HDAC4: variants seen among roughly 807,000 people sequenced by gnomAD.
HDAC4 encodes the protein histone deacetylase A.
A neutral mutation model predicts 135.1 loss-of-function variants in HDAC4; 16 were observed. The ratio of observed to expected loss-of-function variants is 0.12; its 90% CI spans 0.08 to 0.18. The LOEUF (loss-of-function observed/expected upper bound fraction) is 0.18, where lower values mean the gene tolerates loss of function less well. Among genes scored for constraint, HDAC4 ranks in the 10% least tolerant of loss-of-function variants. The pLI, the probability that HDAC4 is intolerant of heterozygous loss-of-function variation, is 1.00. For synonymous variants in HDAC4, 685 were observed against 653.4 expected, an observed-to-expected ratio of 1.05 and a Z score of -0.74; for missense variants, 1,143 against 1,511.8, an observed-to-expected ratio of 0.76 and a Z score of 4.05.
In HDAC4 at chr2:239,064,458, C is replaced by T. The variant is rs188137367; in HGVS notation, c.3003+2264G>A. Among the ~76,000 whole-genome samples, 9 of 152,080 alleles carry T rather than the reference C, an allele frequency of 5.9e-5. No individual in the cohort carries two copies. In the East Asian group the frequency reaches 7.8e-4, roughly 13 times the overall value. On this transcript the variant is annotated intron_variant, in intron 24 of 26. Coordinates refer to ENST00000543185, the MANE Select transcript of HDAC4 (RefSeq NM_001378414.1). ...GACCTGCAGTCCCAGGTCCCACCTC[C>T]GCCGTCTCTGATGCTGCCCCTCACA...
chr2:239,197,475 G>A (rs1007211548), intron 3 of HDAC4, among the ~76,000 whole-genome samples: 7 of 152,158 alleles, frequency 4.6e-5, no homozygotes, highest in Admixed American at 3.9e-4. Context: ...GGCAGCTCCC[G>A]TGCTCCCATC....
At chr2:239,088,661 G>A (rs897627591) in intron 18 of HDAC4, among the ~76,000 whole-genome samples, 1 of 152,200 alleles carries the variant, frequency 6.6e-6, no homozygotes, top group African/African-American at 2.4e-5. Flanking sequence ...TTAACAATGT[G>A]CTCGATGAAG....
chr2:239,316,631 T>C (rs1283161479), intron 2 of HDAC4, among the ~76,000 whole-genome samples: 3 of 152,040 alleles, frequency 2.0e-5, no homozygotes, highest in Non-Finnish European at 4.4e-5. Flanking sequence ...TTGCAGAGTG[T>C]ATGGCTGTCC....
chr2:239,394,869 G>T (rs1022589123), intron 1 of HDAC4, among the ~76,000 whole-genome samples: 8 of 152,360 alleles, frequency 5.3e-5, no homozygotes, highest in Admixed American at 1.3e-4. Context: ...TACAGAGCAG[G>T]CATGAGGCCC....
At chr2:239,080,826 T>A (rs561408809) in intron 22 of HDAC4, 1 of 542,260 alleles carries the variant, frequency 1.8e-6, no homozygotes, top group South Asian at 2.5e-5. Context: ...TGCCTCTGTC[T>A]CCATCACTCT....
intron 7 of HDAC4, among the ~76,000 whole-genome samples, chr2:239,149,050 A>C (rs889956390): frequency 3.9e-5 from 6 of 152,222 alleles, no homozygotes; most frequent in African/African-American, 1.4e-4. Flanking sequence ...CCGTTCTCCT[A>C]TCATGAACAT....
chr2:239,368,445 T>C (rs957484945), intron 1 of HDAC4, among the ~76,000 whole-genome samples: 4 of 152,294 alleles, frequency 2.6e-5, no homozygotes, highest in African/African-American at 9.6e-5. Context: ...GGAGGGGGTC[T>C]CATCAAGGCA....
intron 3 of HDAC4, among the ~76,000 whole-genome samples, chr2:239,227,353 G>C (rs574309491): frequency 2.0e-5 from 3 of 152,124 alleles, no homozygotes; most frequent in South Asian, 2.1e-4. Flanking sequence ...TCCTGCCCCA[G>C]CATGGGGGCA....
At chr2:239,327,385 C>T (rs554187339) in intron 2 of HDAC4, among the ~76,000 whole-genome samples, 1 of 152,338 alleles carries the variant, frequency 6.6e-6, no homozygotes, top group Admixed American at 6.5e-5. Flanking sequence ...GGCCCAGGTC[C>T]CCTGCCCTCA....
chr2:239,400,207 C>G lies in HDAC4; in HGVS notation c.-220+771G>C, dbSNP rs530385526. ...GGGTCCCGGGCAGCCCCCCGCCCTCCCGCGACCCCCCGGGCGCTCGCAGCG... is the reference window on the plus strand; with the variant it reads ...GGGTCCCGGGCAGCCCCCCGCCCTCGCGCGACCCCCCGGGCGCTCGCAGCG... On this transcript the variant is annotated intron_variant, in intron 1 of 26. Transcript: ENST00000543185. The surrounding 1 kb of genome is among the most constrained non-coding windows in gnomAD (Gnocchi z 4.7). Among the ~76,000 whole-genome samples, 437 of 151,784 alleles carry G rather than the reference C, an allele frequency of 2.9e-3. No individual in the cohort carries two copies. The highest frequency in any genetic ancestry group is 5.1e-3 in the Non-Finnish European group (343 of 67,836).
At chr2:239,134,062 T>C (rs557261010) in intron 11 of HDAC4, among the ~76,000 whole-genome samples, 183 bp downstream of exon 11, 1 of 151,852 alleles carries the variant, frequency 6.6e-6, no homozygotes, top group African/African-American at 2.4e-5. Context: ...ACTCTGGGAG[T>C]GAGGCATGGA....
chr2:239,273,628 A>G (rs1489587930), intron 2 of HDAC4, among the ~76,000 whole-genome samples: 1 of 152,120 alleles, frequency 6.6e-6, no homozygotes, highest in Non-Finnish European at 1.5e-5. Flanking sequence ...CTTGCCAACT[A>G]GCCCCGGTCC....
At chr2:239,188,252 C>T (rs913653879) in intron 4 of HDAC4, among the ~76,000 whole-genome samples, 1 of 152,224 alleles carries the variant, frequency 6.6e-6, no homozygotes, top group African/African-American at 2.4e-5. Flanking sequence ...GATGCAGCCT[C>T]CCCCACAATC....
intron 3 of HDAC4, among the ~76,000 whole-genome samples, chr2:239,194,854 A>G (rs1443347097): frequency 6.6e-6 from 1 of 152,214 alleles, no homozygotes; most frequent in Non-Finnish European, 1.5e-5. Context: ...CTTCTCCAGC[A>G]GTTTAGCGCA....
rs538293149 is a variant in HDAC4, at chr2:239,241,073, C to T, written c.23-4409G>A. ...CTAGGATCACGGAGTGAGCACCAGC[C>T]GGAATCCAGTTCTGTCTCAATTAAA... On this transcript the variant is annotated intron_variant, in intron 2 of 26. Transcript: ENST00000543185. 9.9e-4 allele frequency among the ~76,000 whole-genome samples: 150 copies of T among 152,284 alleles called. 2 individuals are homozygous for T. The South Asian group carries it at 0.026, about 27-fold the overall frequency.
Position 239,139,775 on chromosome 2 carries a change from G to A in HDAC4, c.887C>T (p.Pro296Leu). The change falls in exon 9 of 27, where the codon CCA (proline) becomes CTA (leucine). Residue 296 changes from proline to leucine, a missense_variant. By Grantham distance (98) the Pro-to-Leu change is moderately conservative. Transcript: ENST00000543185. The surrounding 1 kb of genome is among the most constrained non-coding windows in gnomAD (Gnocchi z 5.3). The stretch of plus-strand genomic sequence containing the variant: ...GTTGGGTGAGCTGGGTCCGGAGCCT[G>A]GGGCGCTGCTGCACGCGGAGTCTGC... ...DVTDSACSSA[P>L]GSGPSSPNNS... 6.2e-7 allele frequency: 1 copy of A among 1,614,054 alleles called. No individual in the cohort carries two copies. The highest frequency in any genetic ancestry group is 8.5e-7 in the Non-Finnish European group (1 of 1,179,970).
At chr2:239,162,091 C>T (rs916448118) in intron 6 of HDAC4, 1 of 456,084 alleles carries the variant, frequency 2.2e-6, no homozygotes, top group African/African-American at 2.0e-5. Context: ...CCTCTGGGGG[C>T]TGCCCTGTGC....
At chr2:239,196,931 A>T (rs2045425916) in intron 3 of HDAC4, among the ~76,000 whole-genome samples, 1 of 152,194 alleles carries the variant, frequency 6.6e-6, no homozygotes, top group Admixed American at 6.5e-5. Context: ...GCCGGCCCAG[A>T]CGCTGCCTCC....
At chr2:239,369,001 G>A (rs1231690587) in intron 1 of HDAC4, among the ~76,000 whole-genome samples, 2 of 152,076 alleles carry the variant, frequency 1.3e-5, no homozygotes, top group South Asian at 2.1e-4. Context: ...CCAACCCCAC[G>A]GGTGACACAC....
Sources: allele counts gnomAD v4.1 joint callset (sites outside exome capture counted in the v4.1 genomes callset), GRCh38; gene constraint gnomAD v4.1.1; non-coding constraint Gnocchi (gnomAD v3.1); transcripts MANE v1.5; gene names NCBI Gene and HGNC (gene_info 2026-07-23, HGNC 2026-07-21).